GAB2: variants seen among roughly 807,000 people sequenced by gnomAD.
The protein encoded by GAB2 is GRB2 associated binding protein 2.
A neutral mutation model predicts 65.5 loss-of-function variants in GAB2; 26 were observed. The observed-to-expected ratio is 0.40, with a 90% CI of 0.29 to 0.55. GAB2 has a LOEUF of 0.55. Among genes scored for constraint, GAB2 ranks in the 20% least tolerant of loss-of-function variants. The pLI is 0.53. For synonymous variants in GAB2, 321 were observed against 329.6 expected, an observed-to-expected ratio of 0.97 and a Z score of 0.28; for missense variants, 884 against 875.8, an observed-to-expected ratio of 1.01 and a Z score of -0.12.
At chr11:78,407,666 A>AAAGT (rs1243052232) in intron 1 of GAB2, among the ~76,000 whole-genome samples, 10 of 122,808 alleles carry the variant, frequency 8.1e-5, no homozygotes, top group African/African-American at 3.0e-4. Context: ...AGTAAGAAAG[A>AAAGT]AAGAAAGAAA....
chr11:78,393,574 C>A (rs570075595), intron 1 of GAB2, among the ~76,000 whole-genome samples: 1 of 152,270 alleles, frequency 6.6e-6, no homozygotes, highest in East Asian at 1.9e-4. Context: ...TGGTATGATG[C>A]ATCAAAAAGC....
intron 1 of GAB2, among the ~76,000 whole-genome samples, chr11:78,329,509 TTTTTTGATGTG>T (rs1352248874): frequency 6.6e-6 from 1 of 152,204 alleles, no homozygotes; most frequent in Non-Finnish European, 1.5e-5. Flanking sequence ...CTTGTCTTTC[TTTTTTGATGTG>T]TTTTTGATGT....
At chr11:78,300,524 CAA>C (rs1491460683) in intron 1 of GAB2, among the ~76,000 whole-genome samples, 1 of 134,816 alleles carries the variant, frequency 7.4e-6, no homozygotes, top group South Asian at 2.1e-4. Flanking sequence ...TATAAAAAAA[CAA>C]AAAAACAAAA....
intron 1 of GAB2, among the ~76,000 whole-genome samples, chr11:78,323,614 T>G (rs1182821027): frequency 6.7e-6 from 1 of 149,398 alleles, no homozygotes; most frequent in Admixed American, 6.7e-5. Flanking sequence ...AAGACGGAAA[T>G]AGTAGACACT....
At chr11:78,400,612 T>C (rs1856956414) in intron 1 of GAB2, among the ~76,000 whole-genome samples, 1 of 152,040 alleles carries the variant, frequency 6.6e-6, no homozygotes, top group South Asian at 2.1e-4. Flanking sequence ...ATCAAAGGTG[T>C]TTCATTAAGG....
intron 1 of GAB2, among the ~76,000 whole-genome samples, chr11:78,284,918 C>G (rs1356235069): frequency 1.3e-5 from 2 of 152,124 alleles, no homozygotes; most frequent in African/African-American, 4.8e-5. Flanking sequence ...TGCATGAAAT[C>G]CTTCTATTAT....
intron 2 of GAB2, among the ~76,000 whole-genome samples, chr11:78,273,368 C>G (rs1866074241): frequency 6.6e-6 from 1 of 152,246 alleles, no homozygotes; most frequent in South Asian, 2.1e-4. Flanking sequence ...GAGCCTACCT[C>G]TTGCATCAGT....
intron 3 of GAB2, among the ~76,000 whole-genome samples, chr11:78,244,425 T>C (rs1309256964): frequency 6.6e-6 from 1 of 151,474 alleles, no homozygotes; most frequent in African/African-American, 2.4e-5. Context: ...AATGGGACTA[T>C]ATTAAACTAA....
At chr11:78,223,774 G>T in intron 5 of GAB2, 98 bp from the exon 6 acceptor site, 1 of 1,020,538 alleles carries the variant, frequency 9.8e-7, no homozygotes, top group Non-Finnish European at 1.4e-6. Flanking sequence ...AGTCATGACT[G>T]GGTTAGCTAT....
intron 1 of GAB2, among the ~76,000 whole-genome samples, chr11:78,317,063 C>A (rs749699361): frequency 2.0e-5 from 3 of 152,106 alleles, no homozygotes; most frequent in Non-Finnish European, 4.4e-5. Context: ...ACTTATATGA[C>A]AAAGTTACAT....
At chr11:78,374,323 G>A (rs985507006) in intron 1 of GAB2, among the ~76,000 whole-genome samples, 4 of 151,732 alleles carry the variant, frequency 2.6e-5, no homozygotes, top group African/African-American at 4.9e-5. Context: ...CAAATAATCC[G>A]GTATTTGTCA....
intron 1 of GAB2, among the ~76,000 whole-genome samples, chr11:78,417,199 C>T (rs1387930685): frequency 6.6e-6 from 1 of 152,064 alleles, no homozygotes; most frequent in Non-Finnish European, 1.5e-5. Flanking sequence ...GGGCGTGAGG[C>T]GCTCGCCCTT....
intron 2 of GAB2, among the ~76,000 whole-genome samples, chr11:78,279,906 C>A (rs887094262): frequency 6.6e-6 from 1 of 152,128 alleles, no homozygotes; most frequent in Non-Finnish European, 1.5e-5. Context: ...AATATGCCTG[C>A]GAGTAGAATT....
intron 1 of GAB2, among the ~76,000 whole-genome samples, chr11:78,331,408 G>A (rs1174668404): frequency 6.6e-6 from 1 of 151,708 alleles, no homozygotes; most frequent in Non-Finnish European, 1.5e-5. Context: ...ACCACACCCA[G>A]CTAATTTTTT....
rs1246788716 is a variant in GAB2, at chr11:78,345,325, T to C, written c.76-64424A>G. Among the ~76,000 whole-genome samples, 5 of 152,248 alleles carry C rather than the reference T, an allele frequency of 3.3e-5. No homozygotes were observed. In the East Asian group the frequency reaches 9.6e-4, roughly 29 times the overall value. ...AAAATTGTAGAGACAATATGAAGAC[T>C]GGGCAAATAGATGAAACTAGAGCTA... is the stretch of plus-strand genomic sequence containing the variant. On this transcript the variant is annotated intron_variant, in intron 1 of 9. Coordinates refer to ENST00000361507, the MANE Select transcript of GAB2 (RefSeq NM_080491.3).
At chr11:78,252,514 G>GTATC (rs1164734338) in intron 2 of GAB2, among the ~76,000 whole-genome samples, 1 of 152,110 alleles carries the variant, frequency 6.6e-6, no homozygotes, top group East Asian at 1.9e-4. Context: ...GCAAGCCTCT[G>GTATC]GTGAGATTCT....
intron 1 of GAB2, among the ~76,000 whole-genome samples, chr11:78,363,729 C>T (rs1211550776): frequency 1.3e-5 from 2 of 151,848 alleles, no homozygotes; most frequent in African/African-American, 4.8e-5. Context: ...GGACTATAGG[C>T]ACGCACTACT....
intron 1 of GAB2, among the ~76,000 whole-genome samples, chr11:78,294,576 T>A (rs1461695546): frequency 6.6e-6 from 1 of 152,160 alleles, no homozygotes; most frequent in African/African-American, 2.4e-5. Context: ...CTCCAGCACC[T>A]GTTGTTTCCT....
At chr11:78,223,004 C>T (rs1325523583) in intron 6 of GAB2, among the ~76,000 whole-genome samples, 2 of 152,214 alleles carry the variant, frequency 1.3e-5, no homozygotes, top group Non-Finnish European at 2.9e-5. Flanking sequence ...TTGAGGGCTT[C>T]AGTTCCAAAT....
Sources: allele counts gnomAD v4.1 joint callset (sites outside exome capture counted in the v4.1 genomes callset), GRCh38; gene constraint gnomAD v4.1.1; transcripts MANE v1.5; gene names NCBI Gene and HGNC (gene_info 2026-07-23, HGNC 2026-07-21).